Variants in TMTC1 observed in about 807,000 individuals in gnomAD.
TMTC1 encodes the protein protein O-mannosyl-transferase TMTC1.
TMTC1 carries 73 observed loss-of-function variants against 104.8 expected under a neutral mutation model. The observed-to-expected ratio is 0.70, with a 90% CI of 0.58 to 0.85. TMTC1 has a LOEUF of 0.85. Among genes scored for constraint, TMTC1 ranks in the 40% least tolerant of loss-of-function variants. TMTC1 has a pLI of 0.00. For synonymous variants in TMTC1, 434 were observed against 428.7 expected (o/e 1.01, Z -0.15); for missense variants, 1,035 against 1,096.1 (o/e 0.94, Z 0.79).
intron 5 of TMTC1, among the ~76,000 whole-genome samples, chr12:29,740,904 G>A (rs546736430): frequency 2.0e-5 from 3 of 152,274 alleles, no homozygotes; most frequent in South Asian, 2.1e-4. Context: ...TCCAGAAACC[G>A]TGTTCAACAC....
At chr12:29,634,300 A>T (rs1302334273) in intron 5 of TMTC1, among the ~76,000 whole-genome samples, 1 of 152,212 alleles carries the variant, frequency 6.6e-6, no homozygotes, top group African/African-American at 2.4e-5. Context: ...CCCGAGAGCC[A>T]TTCCTATGGA....
intron 10 of TMTC1, among the ~76,000 whole-genome samples, chr12:29,549,867 G>T (rs2136238049): frequency 6.6e-6 from 1 of 152,086 alleles, no homozygotes; most frequent in East Asian, 1.9e-4. Flanking sequence ...CCTAATCATG[G>T]TTTTGTTTTC....
At chr12:29,630,365 A>C (rs1438203777) in intron 6 of TMTC1, among the ~76,000 whole-genome samples, 4 of 151,894 alleles carry the variant, frequency 2.6e-5, no homozygotes, top group African/African-American at 9.7e-5. Flanking sequence ...AGGGAGAAAA[A>C]CCCCTAATAA....
chr12:29,562,336 A>G (rs1490052925), intron 9 of TMTC1, among the ~76,000 whole-genome samples: 1 of 152,166 alleles, frequency 6.6e-6, no homozygotes, highest in Non-Finnish European at 1.5e-5. Flanking sequence ...ACAATGGATG[A>G]CCTCCAACAG....
chr12:29,645,636 AT>A (rs1410101248), intron 5 of TMTC1, among the ~76,000 whole-genome samples: 1 of 152,132 alleles, frequency 6.6e-6, no homozygotes, highest in African/African-American at 2.4e-5. Context: ...TACTGGGTTC[AT>A]TTTTTTGCCT....
intron 11 of TMTC1, 40 bp from the exon 12 acceptor site, chr12:29,520,760 T>C: frequency 1.3e-6 from 2 of 1,527,122 alleles, no homozygotes; most frequent in Non-Finnish European, 1.8e-6. Context: ...GTGAGAAAGC[T>C]TTCTAAAACC....
chr12:29,729,814 G>T (rs1208506785), intron 5 of TMTC1, among the ~76,000 whole-genome samples: 1 of 152,062 alleles, frequency 6.6e-6, no homozygotes, highest in Non-Finnish European at 1.5e-5. Flanking sequence ...TACTATTCTA[G>T]GTGCTGAGGA....
At chr12:29,778,588 T>C (rs1943764592) in intron 1 of TMTC1, among the ~76,000 whole-genome samples, 1 of 152,192 alleles carries the variant, frequency 6.6e-6, no homozygotes, top group Admixed American at 6.5e-5. Flanking sequence ...GAGTCACAGA[T>C]GTTTTGATTC....
chr12:29,722,167 G>C (rs1001577348), intron 5 of TMTC1, among the ~76,000 whole-genome samples: 4 of 152,158 alleles, frequency 2.6e-5, no homozygotes, highest in Non-Finnish European at 4.4e-5. Flanking sequence ...AAGGGTCTTG[G>C]GGAACCTTCA....
chr12:29,772,575 C>T (rs1306193333), intron 1 of TMTC1, among the ~76,000 whole-genome samples: 1 of 152,150 alleles, frequency 6.6e-6, no homozygotes, highest in Non-Finnish European at 1.5e-5. Context: ...ATCAGCCTGA[C>T]CCTTTTAGCA....
chr12:29,515,422 G>A (rs1223643718), intron 15 of TMTC1, among the ~76,000 whole-genome samples: 2 of 152,182 alleles, frequency 1.3e-5, no homozygotes, highest in Admixed American at 6.5e-5. Context: ...CTGTGCTTGC[G>A]TTCCTACGGT....
chr12:29,575,266 G>A (rs1945790987), intron 8 of TMTC1, among the ~76,000 whole-genome samples: 1 of 152,154 alleles, frequency 6.6e-6, no homozygotes, highest in Non-Finnish European at 1.5e-5. Context: ...TGGATTAAAT[G>A]AGACAGGCAG....
intron 5 of TMTC1, among the ~76,000 whole-genome samples, chr12:29,681,663 T>TCCCCCCC (rs112066731): frequency 1.4e-5 from 2 of 145,348 alleles, no homozygotes; most frequent in Admixed American, 6.8e-5. Flanking sequence ...ACAAGGCCCC[T>TCCCCCCC]CCCCCTCCCA....
chr12:29,699,032 A>C (rs1013383802), intron 5 of TMTC1, among the ~76,000 whole-genome samples: 1 of 152,216 alleles, frequency 6.6e-6, no homozygotes, highest in African/African-American at 2.4e-5. Context: ...GGAGAGGACC[A>C]ACTGGGTTTA....
chr12:29,750,002 C>T (rs548928597), intron 5 of TMTC1, among the ~76,000 whole-genome samples: 2 of 151,780 alleles, frequency 1.3e-5, no homozygotes, highest in African/African-American at 4.8e-5. Context: ...CCCCCAACAG[C>T]CTGCACCACG....
At chr12:29,726,986 G>A (rs1401896350) in intron 5 of TMTC1, among the ~76,000 whole-genome samples, 2 of 152,212 alleles carry the variant, frequency 1.3e-5, no homozygotes, top group African/African-American at 4.8e-5. Flanking sequence ...ATGCACTGCT[G>A]AGCACAGCAG....
intron 17 of TMTC1, 43 bp downstream of exon 17, chr12:29,512,000 A>G (rs1238121161): frequency 1.3e-6 from 2 of 1,553,844 alleles, no homozygotes; most frequent in Non-Finnish European, 1.8e-6. Context: ...GAGAAAACAC[A>G]GGGGGAAAGC....
At chr12:29,586,584 C>T (rs1199969255) in intron 7 of TMTC1, among the ~76,000 whole-genome samples, 1 of 152,034 alleles carries the variant, frequency 6.6e-6, no homozygotes, top group East Asian at 1.9e-4. Flanking sequence ...TCATAGATAG[C>T]TCTTATTATT....
At chr12:29,759,912 C>T (rs543210366) in intron 2 of TMTC1, among the ~76,000 whole-genome samples, 2 of 152,188 alleles carry the variant, frequency 1.3e-5, no homozygotes, top group South Asian at 4.2e-4. Flanking sequence ...TCCATGAGTC[C>T]ATACTAATAA....
Sources: gnomAD v4.1 joint callset for allele counts (sites outside exome capture counted in the v4.1 genomes callset) on GRCh38, gnomAD v4.1.1 for gene constraint, MANE v1.5 for transcripts, NCBI Gene and HGNC (gene_info 2026-07-23, HGNC 2026-07-21) for gene names.